SLC27A4: variants seen among roughly 807,000 people sequenced by gnomAD.
The protein encoded by SLC27A4 is solute carrier family 27 member 4.
A neutral mutation model predicts 64.4 loss-of-function variants in SLC27A4; 33 were observed. That is an observed-to-expected ratio of 0.51 (90% CI 0.39 to 0.68). The LOEUF is 0.68. SLC27A4 is among the 30% of genes least tolerant of loss of function. The pLI, the probability that SLC27A4 is intolerant of heterozygous loss-of-function variation, is 0.00. For missense variants in SLC27A4, 824 were observed against 883.5 expected, an observed-to-expected ratio of 0.93 and a Z score of 0.85; for synonymous variants, 377 against 370.0, an observed-to-expected ratio of 1.02 and a Z score of -0.22.
At position 128,355,381 on chromosome 9, in the gene SLC27A4, A is replaced by G. The variant is rs765221262; in HGVS notation, c.1463-17A>G. On this transcript the variant is annotated splice_polypyrimidine_tract_variant and intron_variant, in intron 10 of 12. Transcript: ENST00000300456. Reference sequence around the variant, plus strand: ...AGCTGGCCAGGCCCAGCCCTGCCTCATCCGGCCCCTCCCTAGGTGATGTGC... The same window carrying G: ...AGCTGGCCAGGCCCAGCCCTGCCTCGTCCGGCCCCTCCCTAGGTGATGTGC... 3.7e-6 allele frequency: 6 copies of G among 1,613,154 alleles called. No homozygotes were observed. The African/African-American group carries it at 6.7e-5, about 18-fold the overall frequency.
At chr9:128,354,239 C>T (rs1400586704) in intron 9 of SLC27A4, among the ~76,000 whole-genome samples, 3 of 152,150 alleles carry the variant, frequency 2.0e-5, no homozygotes, top group South Asian at 4.1e-4. Context: ...CCACCATGCC[C>T]GGCCCTCATT....
chr9:128,355,585 T>C, intron 11 of SLC27A4, 23 bp downstream of exon 11: 2 of 1,607,364 alleles, frequency 1.2e-6, no homozygotes, highest in Non-Finnish European at 1.7e-6. Flanking sequence ...AGGCGCGAGG[T>C]GTGGGTAGGG....
In SLC27A4 at chr9:128,360,583, AGCAGGGCCTGGCACCTCCATCCTGAGGT is replaced by A; in HGVS notation, c.*95_*122del. The A allele has an allele frequency of 4.9e-6, 7 of 1,414,412 alleles. No homozygotes were observed. In the South Asian group the frequency reaches 7.1e-5, roughly 14 times the overall value. 87.6% of individuals were successfully genotyped at this position (1,414,412 alleles called of 1,614,324 possible). ...TCCTGGACAAGGCCAGACCAAAGCA[AGCAGGGCCTGGCACCTCCATCCTGAGGT>A]GCTGCCCCTCCATCCAAAACTGCCA... On this transcript the variant is annotated 3_prime_UTR_variant, in exon 13 of 13. Transcript: ENST00000300456.
In SLC27A4 at chr9:128,356,855, G is replaced by T. The variant is rs151178953; in HGVS notation, c.1774+1059G>T. Reference sequence around the variant, plus strand: ...ACCTGTAATCTCAGCACTTTGGGAGGCCAAGGCAGATGGATTGCCTGAGCT... The same window carrying T: ...ACCTGTAATCTCAGCACTTTGGGAGTCCAAGGCAGATGGATTGCCTGAGCT... On this transcript the variant is annotated intron_variant, in intron 12 of 12. Transcript: ENST00000300456. Among the ~76,000 whole-genome samples, 309 of 152,170 alleles carry T rather than the reference G, an allele frequency of 2.0e-3. 1 individual carries two copies. The highest frequency in any genetic ancestry group is 6.8e-3 in the Middle Eastern group (2 of 294).
intron 3 of SLC27A4, among the ~76,000 whole-genome samples, chr9:128,347,777 C>T (rs1159498046): frequency 2.0e-5 from 3 of 149,120 alleles, no homozygotes; most frequent in South Asian, 2.1e-4. Context: ...AATCCCAGCA[C>T]TTTGGGAGGC....
chr9:128,342,213 C>G (rs1329006503), intron 1 of SLC27A4: 2 of 1,600,308 alleles, frequency 1.2e-6, no homozygotes, highest in African/African-American at 2.7e-5. Flanking sequence ...ATGCCTCGCT[C>G]CGCTTTTCCT....
chr9:128,357,425 G>GTGAGA (rs1284743521), intron 12 of SLC27A4, among the ~76,000 whole-genome samples: 3 of 152,074 alleles, frequency 2.0e-5, no homozygotes, highest in African/African-American at 7.2e-5. Context: ...GGGCGACAGA[G>GTGAGA]TGAGACTCTG....
intron 1 of SLC27A4, among the ~76,000 whole-genome samples, chr9:128,342,001 T>C (rs1832579810): frequency 6.6e-6 from 1 of 152,156 alleles, no homozygotes; most frequent in Non-Finnish European, 1.5e-5. Flanking sequence ...CCTCCCAAAG[T>C]GCTGGGATTA....
chr9:128,355,283 C>T (rs1222453529), intron 10 of SLC27A4, 93 bp downstream of exon 10: 2 of 1,589,298 alleles, frequency 1.3e-6, no homozygotes, highest in South Asian at 1.1e-5. Context: ...AGGACTCCCC[C>T]AGTCCTGGCC....
chr9:128,355,511 A>G lies in SLC27A4; in HGVS notation c.1576A>G (p.Ser526Gly). 1 of 1,613,258 alleles carries G rather than the reference A, an allele frequency of 6.2e-7. No individual in the cohort carries two copies. Among genetic ancestry groups the G allele is most frequent in the Non-Finnish European group, 8.5e-7 (1 of 1,180,036 alleles). ...CACCACCGAGGTGGAAGGCACACTC[A>G]GCCGCCTGCTGGACATGGCTGACGT... The part of the protein sequence containing the change: ...VSTTEVEGTL[S>G]RLLDMADVAV... The change falls in exon 11 of 13, where the codon AGC (serine) becomes GGC (glycine). Residue 526 changes from serine (S) to glycine (G), a missense_variant. Transcript: ENST00000300456.
At chr9:128,352,930 G>T in intron 7 of SLC27A4, 95 bp from the exon 8 acceptor site, 1 of 1,222,602 alleles carries the variant, frequency 8.2e-7, no homozygotes, top group Non-Finnish European at 1.2e-6. Flanking sequence ...GGCATGGCCA[G>T]CCCCTGGGGA....
chr9:128,353,879 GA>G lies in SLC27A4; in HGVS notation c.1324+339del, dbSNP rs1007823782. 6.7e-6 allele frequency among the ~76,000 whole-genome samples: 1 copy of G among 148,382 alleles called. No individual in the cohort carries two copies. The highest frequency in any genetic ancestry group is 6.6e-5 in the Admixed American group (1 of 15,068). Reference sequence around the variant, plus strand: ...CTGCCTCAGCCTCCCAAGTAGCTGGGACTACAGGCGCCCGCCACTACGCCCG... The same window carrying G: ...CTGCCTCAGCCTCCCAAGTAGCTGGGCTACAGGCGCCCGCCACTACGCCCG... On this transcript the variant is annotated intron_variant, in intron 9 of 12. Transcript: ENST00000300456. This position sits in a 1 kb window ranked among gnomAD's most constrained non-coding sequence, Gnocchi z 4.9.
intron 5 of SLC27A4, 32 bp downstream of exon 5, chr9:128,350,413 A>G: frequency 6.2e-7 from 1 of 1,613,128 alleles, no homozygotes; most frequent in South Asian, 1.1e-5. Context: ...TGGGGTAGGC[A>G]CAGGCAGGGC....
At position 128,353,127 on chromosome 9, in the gene SLC27A4, C is replaced by T. The variant is rs977472472; in HGVS notation, c.1090C>T (p.Arg364Trp). 2.0e-5 allele frequency: 33 copies of T among 1,614,074 alleles called. No individual in the cohort carries two copies. Among genetic ancestry groups the T allele is most frequent in the African/African-American group, 5.3e-5 (4 of 74,930 alleles). Residue 364 changes from arginine to tryptophan, a missense_variant, in exon 8 of 13, where the codon CGG (arginine) becomes TGG (tryptophan). Transcript: ENST00000300456. This position sits in a 1 kb window ranked among gnomAD's most constrained non-coding sequence, Gnocchi z 4.9. Reference protein sequence around the residue: ...QVRMALGNGLRQSIWTNFSSR... With the variant: ...QVRMALGNGLWQSIWTNFSSR... ...TCGCATGGCACTAGGCAATGGCCTC[C>T]GGCAGTCCATCTGGACCAACTTTTC...
rs1161836104 is a variant in SLC27A4 at position 128,340,914 on chromosome 9, A to AC, written c.-7+80dup. 5.0e-5 allele frequency: 26 copies of AC among 516,684 alleles called. No individual in the cohort carries two copies. In the Admixed American group the frequency reaches 8.5e-4, roughly 17 times the overall value. 32.0% of individuals were successfully genotyped at this position (516,684 alleles called of 1,614,324 possible). On this transcript the variant is annotated intron_variant, in intron 1 of 12. Transcript: ENST00000300456. ...CGAGTCGGGCGAGGTGGCGGTGCGG[A>AC]CCCCAGGTGGGGGGCGCGCCCTGCG...
At chr9:128,349,594 T>C (rs1198690996) in intron 4 of SLC27A4, among the ~76,000 whole-genome samples, 1 of 152,182 alleles carries the variant, frequency 6.6e-6, no homozygotes, top group African/African-American at 2.4e-5. Context: ...GGACTCTGGC[T>C]GGTTGCTCTG....
intron 9 of SLC27A4, among the ~76,000 whole-genome samples, chr9:128,354,504 C>T (rs1220750676): frequency 6.6e-6 from 1 of 152,142 alleles, no homozygotes; most frequent in African/African-American, 2.4e-5. Context: ...GTTAGGCTGT[C>T]CCCAAGGAGC....
intron 6 of SLC27A4, among the ~76,000 whole-genome samples, chr9:128,351,940 A>G (rs1054993803): frequency 2.0e-5 from 3 of 150,038 alleles, no homozygotes; most frequent in African/African-American, 7.4e-5. Flanking sequence ...TAATCCCAAC[A>G]CTTTGGGAGG....
At chr9:128,355,849 T>C in intron 12 of SLC27A4, 53 bp downstream of exon 12, 4 of 1,607,026 alleles carry the variant, frequency 2.5e-6, no homozygotes, top group Non-Finnish European at 3.4e-6. Context: ...TCCCGTTTCC[T>C]TCTGGAGAGA....
Sources: gnomAD v4.1 joint callset for allele counts (sites outside exome capture counted in the v4.1 genomes callset) on GRCh38, gnomAD v4.1.1 for gene constraint, Gnocchi (gnomAD v3.1) non-coding constraint, MANE v1.5 for transcripts, NCBI Gene and HGNC (gene_info 2026-07-23, HGNC 2026-07-21) for gene names.